Variants in DLG2 observed in about 807,000 individuals in gnomAD.
DLG2 encodes the protein disks large homolog 2.
Under a neutral mutation model 132.5 loss-of-function variants are expected in DLG2, and 45 were observed. That is an observed-to-expected ratio of 0.34 (90% confidence interval 0.27 to 0.44). The LOEUF is 0.44. DLG2 is among the 20% of genes least tolerant of loss of function. The probability of loss-of-function intolerance (pLI) is 1.00; values close to 1 mark genes in which losing one functional copy is unlikely to be tolerated. For missense variants in DLG2, 1,045 were observed against 1,196.9 expected (o/e 0.87, Z 1.87); for synonymous variants, 424 against 419.6 (o/e 1.01, Z -0.13).
chr11:84,861,468 G>C (rs2083613212), intron 6 of DLG2, among the ~76,000 whole-genome samples: 1 of 151,908 alleles, frequency 6.6e-6, no homozygotes, highest in African/African-American at 2.4e-5. Context: ...CTGTCACCTA[G>C]AGGAGGCTTA....
intron 3 of DLG2, among the ~76,000 whole-genome samples, chr11:85,298,747 T>C (rs890370600): frequency 1.3e-5 from 2 of 152,066 alleles, no homozygotes; most frequent in Non-Finnish European, 2.9e-5. Flanking sequence ...TTAATACCAA[T>C]ATTCCCAATA....
intron 9 of DLG2, among the ~76,000 whole-genome samples, chr11:84,152,742 T>C (rs777050648): frequency 7.9e-5 from 12 of 152,222 alleles, no homozygotes; most frequent in Non-Finnish European, 1.6e-4. Context: ...ACTTTGAGAC[T>C]GTGGTTGTCA....
chr11:85,132,036 T>C (rs561739254), intron 5 of DLG2, among the ~76,000 whole-genome samples: 1 of 152,320 alleles, frequency 6.6e-6, no homozygotes, highest in East Asian at 1.9e-4. Context: ...TCAGTGATTA[T>C]AAAATTTAAA....
chr11:84,844,647 G>A (rs2081241536), intron 6 of DLG2, among the ~76,000 whole-genome samples: 1 of 151,846 alleles, frequency 6.6e-6, no homozygotes, highest in African/African-American at 2.4e-5. Flanking sequence ...CATACCAGTT[G>A]TCTTATATCT....
chr11:84,090,895 T>C (rs114562987), intron 10 of DLG2, among the ~76,000 whole-genome samples: 2 of 152,218 alleles, frequency 1.3e-5, no homozygotes, highest in African/African-American at 4.8e-5. Flanking sequence ...TGCTACTTTA[T>C]AGCAATTAAA....
rs999338611 is a variant in DLG2 at position 84,223,424 on chromosome 11, C to T, written c.573+27814G>A. Reference sequence around the variant, plus strand: ...ACTAAGATCCACTTTTATTACCCTACGTACAATGACCAGAGTGTCATGTTA... The same window carrying T: ...ACTAAGATCCACTTTTATTACCCTATGTACAATGACCAGAGTGTCATGTTA... On this transcript the variant is annotated intron_variant, in intron 8 of 27. Coordinates refer to ENST00000376104, the MANE Select transcript of DLG2 (RefSeq NM_001142699.3). Among the ~76,000 whole-genome samples, 47 of 152,270 alleles carry T rather than the reference C, an allele frequency of 3.1e-4. 1 individual carries two copies. In the South Asian group the frequency reaches 4.1e-3, roughly 13 times the overall value.
At chr11:84,881,767 A>C (rs1237877521) in intron 6 of DLG2, among the ~76,000 whole-genome samples, 1 of 152,118 alleles carries the variant, frequency 6.6e-6, no homozygotes, top group Non-Finnish European at 1.5e-5. Flanking sequence ...TGGAGAAATC[A>C]GAAAGGCAGA....
At chr11:84,794,116 AC>A (rs1270308838) in intron 6 of DLG2, among the ~76,000 whole-genome samples, 1 of 152,160 alleles carries the variant, frequency 6.6e-6, no homozygotes, top group African/African-American at 2.4e-5. Flanking sequence ...CTATCTTATA[AC>A]CCATTCGTAT....
At chr11:84,954,884 AT>A (rs1428713913) in intron 6 of DLG2, among the ~76,000 whole-genome samples, 5 of 152,144 alleles carry the variant, frequency 3.3e-5, no homozygotes, top group African/African-American at 1.2e-4. Context: ...ATAAAAATGT[AT>A]TAGTTTATAT....
At chr11:85,131,719 G>A (rs142733304) in intron 5 of DLG2, among the ~76,000 whole-genome samples, 25 of 152,198 alleles carry the variant, frequency 1.6e-4, no homozygotes, top group African/African-American at 5.3e-4. Flanking sequence ...ATTTTCTGGG[G>A]CTTCATTTGT....
Position 83,741,500 on chromosome 11 carries a change from T to C in DLG2, c.1825+45190A>G, listed in dbSNP as rs1432175135. 2.0e-5 allele frequency among the ~76,000 whole-genome samples: 3 copies of C among 152,126 alleles called. No individual in the cohort carries two copies. In the East Asian group the frequency reaches 5.8e-4, roughly 29 times the overall value. On this transcript the variant is annotated intron_variant, in intron 18 of 27. Transcript: ENST00000376104. ...TATTAAAAAATCTGTAGCATTTCTA[T>C]ATACCAACAACATCATGGCTAACAG... is the stretch of plus-strand genomic sequence containing the variant.
chr11:84,648,719 C>T (rs996227457), intron 6 of DLG2, among the ~76,000 whole-genome samples: 2 of 151,956 alleles, frequency 1.3e-5, no homozygotes, highest in African/African-American at 4.8e-5. Flanking sequence ...CGCCCTGTCT[C>T]GCTCACTCTG....
intron 6 of DLG2, among the ~76,000 whole-genome samples, chr11:84,714,631 C>CTCTCTCTCTCTCTT (rs2060964158): frequency 7.4e-6 from 1 of 135,542 alleles, no homozygotes; most frequent in African/African-American, 3.2e-5. Flanking sequence ...CTTTCTCTCT[C>CTCTCTCTCTCTCTT]TCTCTCTCTC....
intron 2 of DLG2, among the ~76,000 whole-genome samples, chr11:85,606,834 C>T (rs761297710): frequency 3.3e-5 from 5 of 152,142 alleles, no homozygotes; most frequent in Non-Finnish European, 7.3e-5. Context: ...ACACTCACCG[C>T]AAAGGTCTGC....
chr11:84,178,315 T>G (rs2096024101), intron 8 of DLG2, among the ~76,000 whole-genome samples: 1 of 152,162 alleles, frequency 6.6e-6, no homozygotes, highest in African/African-American at 2.4e-5. Context: ...ACATGCTGTC[T>G]ACAGTAGCCA....
chr11:84,155,347 G>C (rs1324682405), intron 9 of DLG2, among the ~76,000 whole-genome samples: 1 of 151,946 alleles, frequency 6.6e-6, no homozygotes, highest in East Asian at 1.9e-4. Context: ...TGGTTTCTAT[G>C]TCACCTCTCT....
chr11:84,500,871 C>A (rs1420314384), intron 7 of DLG2, among the ~76,000 whole-genome samples: 1 of 152,130 alleles, frequency 6.6e-6, no homozygotes, highest in East Asian at 1.9e-4. Context: ...TAAAACAGTT[C>A]AAAAATTCTT....
At chr11:83,946,235 G>A (rs914828540) in intron 14 of DLG2, among the ~76,000 whole-genome samples, 6 of 151,960 alleles carry the variant, frequency 3.9e-5, no homozygotes, top group Non-Finnish European at 7.4e-5. Context: ...TAATCTACCC[G>A]CCTTGGACTC....
At chr11:83,717,555 T>C (rs1238794440) in intron 18 of DLG2, among the ~76,000 whole-genome samples, 1 of 152,142 alleles carries the variant, frequency 6.6e-6, no homozygotes, top group Non-Finnish European at 1.5e-5. Flanking sequence ...AACAGTTCAA[T>C]TAGTCTAGAT....
Sources: gnomAD v4.1 joint callset for allele counts (sites outside exome capture counted in the v4.1 genomes callset) on GRCh38, gnomAD v4.1.1 for gene constraint, MANE v1.5 for transcripts, NCBI Gene and HGNC (gene_info 2026-07-23, HGNC 2026-07-21) for gene names.